The following RALYL variants were observed in gnomAD, a reference collection of about 807,000 sequenced individuals.
RALYL encodes the protein RALY RNA binding protein like.
A neutral mutation model predicts 35.1 loss-of-function variants in RALYL; 29 were observed. The observed-to-expected ratio is 0.83, with a 90% CI of 0.61 to 1.13. The LOEUF is 1.13. Among genes scored for constraint, RALYL ranks in the 50% most tolerant of loss-of-function variants. The pLI is 0.00. For synonymous variants in RALYL, 120 were observed against 127.6 expected, an observed-to-expected ratio of 0.94 and a Z score of 0.40; for missense variants, 359 against 360.4, an observed-to-expected ratio of 1.00 and a Z score of 0.03.
At position 84,486,749 on chromosome 8, in the gene RALYL, TC is replaced by T. The variant is rs1303492730; in HGVS notation, c.-23-42549del. 2.6e-5 allele frequency among the ~76,000 whole-genome samples: 4 copies of T among 152,178 alleles called. No homozygotes were observed. In the East Asian group the frequency reaches 7.7e-4, roughly 29 times the overall value. On this transcript the variant is annotated intron_variant, in intron 1 of 8. Coordinates refer to ENST00000521268, the MANE Select transcript of RALYL (RefSeq NM_173848.7). ...ATTGAAAGTGAAATAAATTTTGTTT[TC>T]TTTTTATAATTACAATATAATTTAT...
At chr8:84,709,945 C>T (rs2132451639) in intron 2 of RALYL, among the ~76,000 whole-genome samples, 1 of 152,162 alleles carries the variant, frequency 6.6e-6, no homozygotes, top group East Asian at 1.9e-4. Flanking sequence ...CCTATAATCC[C>T]AGCTACATGG....
intron 2 of RALYL, among the ~76,000 whole-genome samples, chr8:84,667,277 C>G (rs1006917338): frequency 2.0e-5 from 3 of 151,910 alleles, no homozygotes; most frequent in Admixed American, 2.0e-4. Context: ...AATACTTCAT[C>G]AGTAATGTTG....
At chr8:84,538,172 C>T (rs948979640) in intron 2 of RALYL, among the ~76,000 whole-genome samples, 25 of 152,130 alleles carry the variant, frequency 1.6e-4, no homozygotes, top group Non-Finnish European at 2.1e-4. Flanking sequence ...TGATAGAAAG[C>T]CCGGGGGATT....
chr8:84,493,258 A>C (rs1046233280), intron 1 of RALYL, among the ~76,000 whole-genome samples: 1 of 151,972 alleles, frequency 6.6e-6, no homozygotes, highest in African/African-American at 2.4e-5. Context: ...CATTCTTTTT[A>C]TGGCTGCATA....
At chr8:84,509,887 T>G (rs2057468160) in intron 1 of RALYL, among the ~76,000 whole-genome samples, 3 of 152,332 alleles carry the variant, frequency 2.0e-5, no homozygotes, top group African/African-American at 7.2e-5. Flanking sequence ...TTCTCCATTC[T>G]TTTGCCAATA....
At chr8:84,683,413 C>T (rs560030843) in intron 2 of RALYL, among the ~76,000 whole-genome samples, 189 of 152,166 alleles carry the variant, frequency 1.2e-3, no homozygotes, top group Non-Finnish European at 2.3e-3. Flanking sequence ...CTTTCTGTCT[C>T]GTTGATCTTT....
intron 1 of RALYL, among the ~76,000 whole-genome samples, chr8:84,257,705 G>A (rs1831456353): frequency 6.6e-6 from 1 of 152,074 alleles, no homozygotes; most frequent in Non-Finnish European, 1.5e-5. Context: ...CATACTCAAA[G>A]CATCTTTTCT....
intron 1 of RALYL, among the ~76,000 whole-genome samples, chr8:84,357,573 C>A (rs1450992085): frequency 6.6e-6 from 1 of 151,768 alleles, no homozygotes; most frequent in African/African-American, 2.4e-5. Flanking sequence ...AATTAAGAAA[C>A]AAGTTTTTAA....
At chr8:84,235,554 G>A (rs1452621461) in intron 1 of RALYL, among the ~76,000 whole-genome samples, 1 of 152,132 alleles carries the variant, frequency 6.6e-6, no homozygotes, top group Non-Finnish European at 1.5e-5. Context: ...AGATTTTGAT[G>A]TGTAAGTTAT....
chr8:84,414,946 A>T (rs1490330409), intron 1 of RALYL, among the ~76,000 whole-genome samples: 1 of 152,094 alleles, frequency 6.6e-6, no homozygotes, highest in Non-Finnish European at 1.5e-5. Context: ...TCAGACTTCT[A>T]CCACTGGCAG....
intron 4 of RALYL, among the ~76,000 whole-genome samples, chr8:84,819,310 T>G (rs1255419675): frequency 6.6e-6 from 1 of 152,182 alleles, no homozygotes; most frequent in Non-Finnish European, 1.5e-5. Flanking sequence ...ATGCTACAAC[T>G]GTAATTTTAA....
rs1287638413 is a variant in RALYL at position 84,423,678 on chromosome 8, T to G, written c.-23-105621T>G. On this transcript the variant is annotated intron_variant, in intron 1 of 8. Transcript: ENST00000521268. ...TTTACATTTTGGCATGGTTTTGCAGTGGCTGGTACCGGTTGTTCCTTTCCA... is the reference window on the plus strand; with the variant it reads ...TTTACATTTTGGCATGGTTTTGCAGGGGCTGGTACCGGTTGTTCCTTTCCA... 4.0e-5 allele frequency among the ~76,000 whole-genome samples: 6 copies of G among 151,808 alleles called. No homozygotes were observed. In the South Asian group the frequency reaches 1.2e-3, roughly 32 times the overall value.
chr8:84,357,507 A>T (rs1163798511), intron 1 of RALYL, among the ~76,000 whole-genome samples: 4 of 151,918 alleles, frequency 2.6e-5, no homozygotes, highest in Non-Finnish European at 5.9e-5. Context: ...TTTCCTGGGG[A>T]AATCTTGCCT....
intron 2 of RALYL, among the ~76,000 whole-genome samples, chr8:84,653,626 TA>T (rs1438476980): frequency 6.6e-6 from 1 of 151,950 alleles, no homozygotes; most frequent in African/African-American, 2.4e-5. Flanking sequence ...TAATTAAATT[TA>T]AACAGCAAAA....
chr8:84,438,949 T>TG (rs1294945405), intron 1 of RALYL, among the ~76,000 whole-genome samples: 1 of 151,806 alleles, frequency 6.6e-6, no homozygotes, highest in African/African-American at 2.4e-5. Flanking sequence ...TATGTATCTT[T>TG]TTTTTTTATC....
chr8:84,464,307 A>G (rs2051238977), intron 1 of RALYL, among the ~76,000 whole-genome samples: 1 of 151,794 alleles, frequency 6.6e-6, no homozygotes, highest in African/African-American at 2.4e-5. Flanking sequence ...CTACCCCACA[A>G]CAGTCCCCAG....
At chr8:84,215,859 T>C (rs1319702321) in intron 1 of RALYL, among the ~76,000 whole-genome samples, 2 of 152,182 alleles carry the variant, frequency 1.3e-5, no homozygotes, top group Non-Finnish European at 2.9e-5. Flanking sequence ...TGCGTACGCA[T>C]GGCAAACAAC....
intron 2 of RALYL, among the ~76,000 whole-genome samples, chr8:84,722,680 T>C (rs1454693821): frequency 6.9e-6 from 1 of 145,450 alleles, no homozygotes; most frequent in East Asian, 2.0e-4. Flanking sequence ...TATATACATA[T>C]ATACAATGTA....
At chr8:84,909,579 T>C (rs1342269913) in intron 8 of RALYL, among the ~76,000 whole-genome samples, 1 of 152,080 alleles carries the variant, frequency 6.6e-6, no homozygotes, top group East Asian at 1.9e-4. Flanking sequence ...AGAGAGTGTA[T>C]GACACACAAT....
Sources: allele counts gnomAD v4.1 joint callset (sites outside exome capture counted in the v4.1 genomes callset), GRCh38; gene constraint gnomAD v4.1.1; transcripts MANE v1.5; gene names NCBI Gene and HGNC (gene_info 2026-07-23, HGNC 2026-07-21).